CLNS1A: variants seen among roughly 807,000 people sequenced by gnomAD.
CLNS1A encodes the protein methylosome subunit pICln.
CLNS1A carries 16 observed loss-of-function variants against 29.4 expected under a neutral mutation model. That is an observed-to-expected ratio of 0.54 (90% confidence interval 0.37 to 0.83). The LOEUF (loss-of-function observed/expected upper bound fraction) is 0.83, where lower values mean the gene tolerates loss of function less well. CLNS1A is among the 40% of genes least tolerant of loss of function. CLNS1A has a pLI of 0.00. For missense variants in CLNS1A, 235 were observed against 287.4 expected (o/e 0.82, Z 1.32); for synonymous variants, 96 against 104.8 (o/e 0.92, Z 0.51).
intron 1 of CLNS1A, among the ~76,000 whole-genome samples, chr11:77,632,237 T>C (rs1351117175): frequency 1.3e-5 from 2 of 152,246 alleles, no homozygotes; most frequent in African/African-American, 4.8e-5. Flanking sequence ...CTACAAAAGC[T>C]GTATTATTTT....
At chr11:77,622,934 C>G (rs1199765531) in intron 4 of CLNS1A, among the ~76,000 whole-genome samples, 2 of 131,838 alleles carry the variant, frequency 1.5e-5, no homozygotes. Flanking sequence ...GGCAACCGAG[C>G]AAGACCTTGT....
chr11:77,620,367 G>A (rs1186726603), intron 5 of CLNS1A, among the ~76,000 whole-genome samples: 14 of 152,120 alleles, frequency 9.2e-5, no homozygotes, highest in Admixed American at 7.9e-4. Flanking sequence ...TTTGCTCCTC[G>A]TCTTCCACCA....
intron 4 of CLNS1A, among the ~76,000 whole-genome samples, 189 bp from the exon 5 acceptor site, chr11:77,622,862 C>T (rs766299121): frequency 1.3e-5 from 2 of 151,192 alleles, no homozygotes; most frequent in Non-Finnish European, 1.5e-5. Flanking sequence ...GCAGGAGAAT[C>T]GCTTGAACCA....
At chr11:77,617,643 G>A (rs746134130) in intron 6 of CLNS1A, among the ~76,000 whole-genome samples, 4 of 151,790 alleles carry the variant, frequency 2.6e-5, no homozygotes, top group Non-Finnish European at 4.4e-5. Context: ...TTATAAACAG[G>A]GTGCAGTGGC....
chr11:77,637,586 CT>C lies in CLNS1A; in HGVS notation c.125+3del. On this transcript the variant is annotated splice_donor_region_variant and intron_variant, in intron 1 of 6. Transcript: ENST00000525428. ...AGGCCAGCGCTGGGGACCAGGAACC[CT>C]ACCTCTCAGCGATGTAAAGGGTACC... 3.1e-6 allele frequency: 5 copies of C among 1,601,566 alleles called. No homozygotes were observed. Among genetic ancestry groups the C allele is most frequent in the Non-Finnish European group, 4.3e-6 (5 of 1,174,550 alleles).
In CLNS1A at chr11:77,615,865, T is replaced by G. The variant is rs934288958; in HGVS notation, c.*853A>C. On this transcript the variant is annotated 3_prime_UTR_variant, in exon 7 of 7. Transcript: ENST00000525428. ...CCAAGTATAAATCAGTAATTACAAATCAGCCTTATAATACCCAGGTATCTA... is the reference window on the plus strand; with the variant it reads ...CCAAGTATAAATCAGTAATTACAAAGCAGCCTTATAATACCCAGGTATCTA... The G allele has an allele frequency of 7.9e-5, 12 of 152,134 alleles. No individual in the cohort carries two copies. Among genetic ancestry groups the G allele is most frequent in the Non-Finnish European group, 1.8e-4 (12 of 68,022 alleles). The allele number at this position is 152,134 out of a possible 1,614,324, so 9.4% of individuals were successfully genotyped here.
At chr11:77,629,673 C>A in intron 2 of CLNS1A, 90 bp downstream of exon 2, 1 of 1,281,558 alleles carries the variant, frequency 7.8e-7, no homozygotes, top group Non-Finnish European at 1.1e-6. Flanking sequence ...GGATTACAGG[C>A]GTGAGCCACC....
chr11:77,617,367 C>CAAAAAA (rs71043593), intron 6 of CLNS1A, among the ~76,000 whole-genome samples: 10 of 65,856 alleles, frequency 1.5e-4, no homozygotes, highest in African/African-American at 4.6e-4. Context: ...AACTCCATCT[C>CAAAAAA]AAAAAAAAAA....
intron 3 of CLNS1A, chr11:77,625,421 C>T (rs1271487731): frequency 2.2e-5 from 10 of 456,126 alleles, no homozygotes. Context: ...ACTCCTCTGC[C>T]ATCCAGCAGG....
At chr11:77,616,743 AGCT>A (rs1958908883) in intron 6 of CLNS1A, 48 bp from the exon 7 acceptor site, 1 of 152,284 alleles carries the variant, frequency 6.6e-6, no homozygotes, top group Non-Finnish European at 1.5e-5. Flanking sequence ...TAATAATAAT[AGCT>A]ACTACTTATT....
intron 4 of CLNS1A, 145 bp from the exon 5 acceptor site, chr11:77,622,818 C>T (rs530113055): frequency 3.5e-5 from 20 of 571,232 alleles, no homozygotes; most frequent in Admixed American, 7.2e-5. Flanking sequence ...CGTGGTGGCA[C>T]GCGCCTGTTG....
chr11:77,619,932 TAACTC>T (rs1958940168), intron 5 of CLNS1A, among the ~76,000 whole-genome samples: 1 of 152,224 alleles, frequency 6.6e-6, no homozygotes, highest in South Asian at 2.1e-4. Context: ...AATACTAAAA[TAACTC>T]TATGTAGGAA....
At chr11:77,633,919 G>A (rs1959097981) in intron 1 of CLNS1A, among the ~76,000 whole-genome samples, 2 of 151,954 alleles carry the variant, frequency 1.3e-5, no homozygotes, top group African/African-American at 4.8e-5. Flanking sequence ...TGACCAACAT[G>A]GAGAAATCCC....
chr11:77,631,340 T>TTG (rs1959071579), intron 1 of CLNS1A, among the ~76,000 whole-genome samples: 2 of 151,504 alleles, frequency 1.3e-5, no homozygotes, highest in Non-Finnish European at 2.9e-5. Flanking sequence ...TTTTTTTTTT[T>TTG]AGACAGAGTC....
At chr11:77,633,899 G>C (rs1022685161) in intron 1 of CLNS1A, among the ~76,000 whole-genome samples, 1 of 152,070 alleles carries the variant, frequency 6.6e-6, no homozygotes, top group Non-Finnish European at 1.5e-5. Flanking sequence ...TCGGGAGTTT[G>C]AGACAAGTCT....
chr11:77,636,034 C>T (rs1271695881), intron 1 of CLNS1A, among the ~76,000 whole-genome samples: 1 of 152,108 alleles, frequency 6.6e-6, no homozygotes, highest in Non-Finnish European at 1.5e-5. Flanking sequence ...AAACATCTCT[C>T]TTTAATACCA....
At chr11:77,636,651 G>A (rs138874671) in intron 1 of CLNS1A, among the ~76,000 whole-genome samples, 1 of 152,280 alleles carries the variant, frequency 6.6e-6, no homozygotes, top group East Asian at 1.9e-4. Flanking sequence ...CTTCACAAAC[G>A]TAATTAAGGT....
At chr11:77,617,628 ATACATT>A (rs1263820481) in intron 6 of CLNS1A, among the ~76,000 whole-genome samples, 12 of 151,954 alleles carry the variant, frequency 7.9e-5, no homozygotes, top group Non-Finnish European at 1.8e-4. Flanking sequence ...CATAATGTTT[ATACATT>A]ATAAACAGGG....
At chr11:77,624,930 C>CA (rs1232901226) in intron 4 of CLNS1A, 33 bp downstream of exon 4, 5 of 1,445,648 alleles carry the variant, frequency 3.5e-6, no homozygotes, top group African/African-American at 2.8e-5. Flanking sequence ...ACTAAACAAA[C>CA]AAAAAACCCA....
Sources: gnomAD v4.1 joint callset for allele counts (sites outside exome capture counted in the v4.1 genomes callset) on GRCh38, gnomAD v4.1.1 for gene constraint, MANE v1.5 for transcripts, NCBI Gene and HGNC (gene_info 2026-07-23, HGNC 2026-07-21) for gene names.